FBXL3: variants seen among roughly 807,000 people sequenced by gnomAD.
FBXL3 encodes the protein F-box/LRR-repeat protein 3.
A neutral mutation model predicts 37.9 loss-of-function variants in FBXL3; 14 were observed. That is an observed-to-expected ratio of 0.37 (90% confidence interval 0.24 to 0.58). The LOEUF is 0.58. Ranked by LOEUF, FBXL3 falls within the 20% of genes least tolerant of loss-of-function variation. FBXL3 has a pLI of 0.74. For synonymous variants in FBXL3, 194 were observed against 180.1 expected (o/e 1.08, Z -0.62); for missense variants, 327 against 511.1 (o/e 0.64, Z 3.47).
chr13:77,014,988 C>T (rs941118699), intron 4 of FBXL3: 1 of 152,392 alleles, frequency 6.6e-6, no homozygotes, highest in African/African-American at 2.4e-5. Context: ...CTTAGTACAA[C>T]TTAGTTGTAC....
At chr13:77,013,442 C>CATGATTAT (rs1376435177) in intron 4 of FBXL3, 1 of 152,184 alleles carries the variant, frequency 6.6e-6, no homozygotes, top group East Asian at 1.9e-4. Context: ...CAAATTGCTC[C>CATGATTAT]TGGCAATAAC....
intron 1 of FBXL3, among the ~76,000 whole-genome samples, chr13:77,023,714 G>T (rs2034789297): frequency 6.6e-6 from 1 of 152,180 alleles, no homozygotes. Flanking sequence ...CTTTCAGAAA[G>T]ATGGCTTGTT....
chr13:77,009,194 A>G (rs551360225), intron 4 of FBXL3: 3 of 152,396 alleles, frequency 2.0e-5, no homozygotes, highest in East Asian at 1.9e-4. Flanking sequence ...CCATAGCTTT[A>G]TAACAGTGGG....
chr13:77,025,681 T>C (rs1345991657), intron 1 of FBXL3, among the ~76,000 whole-genome samples: 2 of 107,272 alleles, frequency 1.9e-5, no homozygotes, highest in Admixed American at 2.4e-4. Flanking sequence ...AAGTGAGTCC[T>C]TGTCTCAAAA....
chr13:77,021,654 T>TA lies in FBXL3; in HGVS notation c.206dup (p.Phe70IlefsTer5). ...ATCTCCACAAGTCAGGCATGTGAAA[T>TA]ACCTGGTTCCAGTTGCGGCAAACTT... On this transcript the variant is annotated frameshift_variant, in exon 2 of 5. Coordinates refer to ENST00000355619, the MANE Select transcript of FBXL3 (RefSeq NM_012158.4). LOFTEE classifies it high-confidence loss of function. 1.2e-6 allele frequency: 2 copies of TA among 1,614,138 alleles called. No homozygotes were observed. The highest frequency in any genetic ancestry group is 1.7e-6 in the Non-Finnish European group (2 of 1,180,018).
At chr13:77,013,150 A>C (rs2034584627) in intron 4 of FBXL3, 1 of 152,240 alleles carries the variant, frequency 6.6e-6, no homozygotes, top group Non-Finnish European at 1.5e-5. Context: ...CCAACTTTGC[A>C]AAATTATGAC....
At chr13:77,014,826 A>C (rs1264797915) in intron 4 of FBXL3, 1 of 152,198 alleles carries the variant, frequency 6.6e-6, no homozygotes, top group Non-Finnish European at 1.5e-5. Context: ...GAATTTAAGT[A>C]ATCTCAAACT....
intron 1 of FBXL3, among the ~76,000 whole-genome samples, chr13:77,022,917 G>C (rs1338284314): frequency 4.6e-5 from 7 of 152,148 alleles, no homozygotes; most frequent in African/African-American, 1.7e-4. Context: ...CAAATTACTT[G>C]ATATTCCTGT....
intron 2 of FBXL3, among the ~76,000 whole-genome samples, chr13:77,019,833 A>T (rs1472876009): frequency 6.6e-6 from 1 of 151,976 alleles, no homozygotes; most frequent in African/African-American, 2.4e-5. Flanking sequence ...TTATTTCCTC[A>T]GGAAAATTAA....
chr13:77,024,186 TCTA>T (rs1483288351), intron 1 of FBXL3, among the ~76,000 whole-genome samples: 1 of 152,200 alleles, frequency 6.6e-6, no homozygotes, highest in Non-Finnish European at 1.5e-5. Context: ...TTAAGTCTCT[TCTA>T]ATAATAATCC....
At chr13:77,014,189 G>C (rs575082483) in intron 4 of FBXL3, 5 of 152,264 alleles carry the variant, frequency 3.3e-5, no homozygotes, top group African/African-American at 9.6e-5. Flanking sequence ...TATTCCACAG[G>C]GTAAAGTGTA....
At chr13:77,016,711 T>G (rs1383472467) in intron 3 of FBXL3, 1 of 152,542 alleles carries the variant, frequency 6.6e-6, no homozygotes, top group African/African-American at 2.4e-5. Context: ...CTTTTTTTTT[T>G]TGTAGAGATG....
rs1244564351 is a variant in FBXL3 at position 77,027,057 on chromosome 13, C to G, written c.-232G>C. 1 of 152,008 alleles carries G rather than the reference C, an allele frequency of 6.6e-6. No individual in the cohort carries two copies. The highest frequency in any genetic ancestry group is 1.5e-5 in the Non-Finnish European group (1 of 68,020). 9.4% of individuals were successfully genotyped at this position (152,008 alleles called of 1,614,324 possible). The stretch of plus-strand genomic sequence containing the variant: ...AGAAAGAAGCTTTCCTTCTCAGTCC[C>G]GCGCTGTCTGTGTTCAGGGATCCCC... On this transcript the variant is annotated 5_prime_UTR_variant, in exon 1 of 5. Coordinates refer to ENST00000355619, the MANE Select transcript of FBXL3 (RefSeq NM_012158.4).
At chr13:77,025,885 A>T (rs1323971856) in intron 1 of FBXL3, among the ~76,000 whole-genome samples, 1 of 152,134 alleles carries the variant, frequency 6.6e-6, no homozygotes, top group African/African-American at 2.4e-5. Context: ...GCTTTTACTA[A>T]TATCAAACTA....
chr13:77,023,476 A>AT (rs549451656), intron 1 of FBXL3, among the ~76,000 whole-genome samples: 3 of 151,640 alleles, frequency 2.0e-5, no homozygotes, highest in East Asian at 3.9e-4. Flanking sequence ...ATTACAGGTA[A>AT]TTTTTTTTTC....
At chr13:77,011,344 CAAAAAAAAA>C (rs34255078) in intron 4 of FBXL3, among the ~76,000 whole-genome samples, 1 of 74,936 alleles carries the variant, frequency 1.3e-5, no homozygotes, top group South Asian at 4.3e-4. Context: ...ACTTTGTCTC[CAAAAAAAAA>C]AAAAAAAAAT....
rs1476156829 is a variant in FBXL3 at position 77,006,560 on chromosome 13, T to C, written c.*585A>G. Reference sequence around the variant, plus strand: ...TTGGCTCTGTATTATCCTTCTATAATACCACTGTGTGACATCTATCAGTCT... The same window carrying C: ...TTGGCTCTGTATTATCCTTCTATAACACCACTGTGTGACATCTATCAGTCT... On this transcript the variant is annotated 3_prime_UTR_variant, in exon 5 of 5. Coordinates refer to ENST00000355619, the MANE Select transcript of FBXL3 (RefSeq NM_012158.4). 1 of 153,014 alleles carries C rather than the reference T, an allele frequency of 6.5e-6. No individual in the cohort carries two copies. Among genetic ancestry groups the C allele is most frequent in the African/African-American group, 2.4e-5 (1 of 41,430 alleles). The allele number at this position is 153,014 out of a possible 1,614,324, so 9.5% of individuals were successfully genotyped here.
rs536087344 is a variant in FBXL3 at position 77,005,783 on chromosome 13, T to C, written c.*1362A>G. ...CCACTGAAAAGAGCCGCTTTAAGAATTAATGTATTCCACCGGGGTTAAATC... is the reference window on the plus strand; with the variant it reads ...CCACTGAAAAGAGCCGCTTTAAGAACTAATGTATTCCACCGGGGTTAAATC... On this transcript the variant is annotated 3_prime_UTR_variant, in exon 5 of 5. Transcript: ENST00000355619. 6.6e-6 allele frequency: 1 copy of C among 152,226 alleles called. No individual in the cohort carries two copies. The highest frequency in any genetic ancestry group is 1.9e-4 in the East Asian group (1 of 5,184). The allele number at this position is 152,226 out of a possible 1,614,324, so 9.4% of individuals were successfully genotyped here.
At chr13:77,022,505 TTATG>T (rs1235804433) in intron 1 of FBXL3, among the ~76,000 whole-genome samples, 2 of 152,202 alleles carry the variant, frequency 1.3e-5, no homozygotes, top group African/African-American at 4.8e-5. Flanking sequence ...TGTGCGCTCC[TTATG>T]AGACTCTTAA....
Sources: gnomAD v4.1 joint callset for allele counts (sites outside exome capture counted in the v4.1 genomes callset) on GRCh38, gnomAD v4.1.1 for gene constraint, MANE v1.5 for transcripts, NCBI Gene and HGNC (gene_info 2026-07-23, HGNC 2026-07-21) for gene names.